Variants in ATXN8OS observed in about 807,000 individuals in gnomAD.
The protein encoded by ATXN8OS is ATXN8 opposite strand (non-protein coding).
At chr13:70,151,460 G>A (rs1329886683) in intron 4 of ATXN8OS, among the ~76,000 whole-genome samples, 2 of 151,944 alleles carry the variant, frequency 1.3e-5, no homozygotes, top group African/African-American at 4.8e-5. Context: ...CTGTAAATGG[G>A]GCTATATATT....
intron 3 of ATXN8OS, among the ~76,000 whole-genome samples, chr13:70,142,221 T>C (rs1260810596): frequency 6.6e-6 from 1 of 152,194 alleles, no homozygotes; most frequent in African/African-American, 2.4e-5. Context: ...TATTTGTGTG[T>C]TTCTAGTATA....
intron 3 of ATXN8OS, among the ~76,000 whole-genome samples, chr13:70,144,572 A>G (rs1888757987): frequency 6.6e-6 from 1 of 152,050 alleles, no homozygotes; most frequent in South Asian, 2.1e-4. Flanking sequence ...GAGTTTTAAG[A>G]GTTCTTTTTA....
intron 3 of ATXN8OS, among the ~76,000 whole-genome samples, chr13:70,135,047 C>T (rs1296680209): frequency 2.0e-5 from 3 of 152,186 alleles, no homozygotes; most frequent in East Asian, 3.9e-4. Flanking sequence ...ACTGCAAGGA[C>T]GAGACTACCT....
At chr13:70,118,236 C>CA (rs1336704414) in intron 2 of ATXN8OS, among the ~76,000 whole-genome samples, 5 of 151,512 alleles carry the variant, frequency 3.3e-5, no homozygotes, top group Admixed American at 1.3e-4. Flanking sequence ...ATTTAGATTA[C>CA]AAAAAAAATC....
At chr13:70,159,160 C>A (rs1888971515) in intron 4 of ATXN8OS, among the ~76,000 whole-genome samples, 1 of 141,672 alleles carries the variant, frequency 7.1e-6, no homozygotes, top group African/African-American at 2.6e-5. Flanking sequence ...ATTTTCTCTC[C>A]TTCCCTCCAC....
intron 3 of ATXN8OS, among the ~76,000 whole-genome samples, chr13:70,134,407 T>C (rs1007853575): frequency 1.3e-5 from 2 of 152,204 alleles, no homozygotes; most frequent in Admixed American, 6.5e-5. Flanking sequence ...TTCATAGCCC[T>C]AAATGCTGCA....
At chr13:70,107,615 T>C (rs1383568724), upstream of ATXN8OS, 1 of 1,586,984 alleles carries the variant, frequency 6.3e-7, no homozygotes, top group South Asian at 1.2e-5. Context: ...GGGCCGCCGG[T>C]GGAAGGAGAC....
intron 3 of ATXN8OS, chr13:70,131,420 G>C: frequency 2.5e-6 from 1 of 398,420 alleles, no homozygotes; most frequent in Non-Finnish European, 4.4e-6. Flanking sequence ...TCAGTTTATA[G>C]AACAGGTCTC....
chr13:70,151,798 G>A (rs920555458), intron 4 of ATXN8OS, among the ~76,000 whole-genome samples: 11 of 152,098 alleles, frequency 7.2e-5, no homozygotes, highest in Non-Finnish European at 1.0e-4. Flanking sequence ...CTCCAGTGAA[G>A]AGTAATAACG....
intron 3 of ATXN8OS, chr13:70,139,436 T>TA (rs1888674748): frequency 2.6e-6 from 2 of 757,240 alleles, no homozygotes; most frequent in Admixed American, 4.2e-5. Context: ...CTGCATTTTT[T>TA]AAAAATATAT....
chr13:70,171,671 A>T (rs1460372109), exon 5 of ATXN8OS, among the ~76,000 whole-genome samples: 2 of 152,112 alleles, frequency 1.3e-5, no homozygotes, highest in African/African-American at 4.8e-5. Context: ...TATATAAATA[A>T]TATTATTTAT....
intron 3 of ATXN8OS, among the ~76,000 whole-genome samples, chr13:70,140,994 T>C (rs191906609): frequency 3.3e-5 from 5 of 152,296 alleles, no homozygotes; most frequent in African/African-American, 1.2e-4. Flanking sequence ...GTCTCATTCC[T>C]ACCATAGTTG....
intron 4 of ATXN8OS, among the ~76,000 whole-genome samples, chr13:70,164,068 T>A (rs1355502094): frequency 1.4e-5 from 2 of 140,006 alleles, no homozygotes; most frequent in African/African-American, 2.6e-5. Context: ...ATTATTATTA[T>A]TATTATTATT....
intron 4 of ATXN8OS, among the ~76,000 whole-genome samples, chr13:70,151,037 T>C (rs1266665203): frequency 1.3e-5 from 2 of 152,096 alleles, no homozygotes; most frequent in East Asian, 3.9e-4. Flanking sequence ...TTTGATGAGT[T>C]TGGACATGTG....
At chr13:70,153,054 G>A (rs914472923) in intron 4 of ATXN8OS, among the ~76,000 whole-genome samples, 3 of 144,010 alleles carry the variant, frequency 2.1e-5, no homozygotes, top group South Asian at 2.3e-4. Flanking sequence ...GTGTGTGTGT[G>A]TAGACTGTTA....
intron 4 of ATXN8OS, among the ~76,000 whole-genome samples, chr13:70,165,996 T>C (rs975981118): frequency 6.6e-6 from 1 of 152,090 alleles, no homozygotes; most frequent in African/African-American, 2.4e-5. Flanking sequence ...CCTTTGATTG[T>C]TGATATATTT....
At chr13:70,155,922 A>G (rs2047772131) in intron 4 of ATXN8OS, among the ~76,000 whole-genome samples, 1 of 152,038 alleles carries the variant, frequency 6.6e-6, no homozygotes, top group African/African-American at 2.4e-5. Flanking sequence ...CTCTTATATA[A>G]ATGCTTACCC....
At chr13:70,141,419 T>C (rs1888713830) in intron 3 of ATXN8OS, among the ~76,000 whole-genome samples, 1 of 152,188 alleles carries the variant, frequency 6.6e-6, no homozygotes, top group Non-Finnish European at 1.5e-5. Context: ...ATAATGAAAG[T>C]ATTTATAACT....
At chr13:70,108,541 G>A (rs189528695) in intron 1 of ATXN8OS, 2 of 152,198 alleles carry the variant, frequency 1.3e-5, no homozygotes, top group Admixed American at 1.3e-4. Flanking sequence ...AGGGAGGGAG[G>A]GAGGGAGGGA....
Sources: gnomAD v4.1 joint callset for allele counts (sites outside exome capture counted in the v4.1 genomes callset) on GRCh38, gnomAD v4.1.1 for gene constraint, MANE v1.5 for transcripts, NCBI Gene and HGNC (gene_info 2026-07-23, HGNC 2026-07-21) for gene names.